Variants in VWA3B observed in about 807,000 individuals in gnomAD.
VWA3B encodes von Willebrand factor A domain-containing protein 3B.
In VWA3B, 138 loss-of-function variants were observed where a neutral mutation model predicts 158.3. The observed-to-expected ratio is 0.87, with a 90% confidence interval of 0.76 to 1.00. The LOEUF (loss-of-function observed/expected upper bound fraction) is 1.00, where lower values mean the gene tolerates loss of function less well. Among genes scored for constraint, VWA3B ranks in the 50% least tolerant of loss-of-function variants. VWA3B has a pLI of 0.00. For synonymous variants in VWA3B, 596 were observed against 587.3 expected (o/e 1.01, Z -0.21); for missense variants, 1,555 against 1,565.1 (o/e 0.99, Z 0.11).
Position 98,104,217 on chromosome 2 carries a change from T to C in VWA3B, c.196+10929T>C, listed in dbSNP as rs539486809. Among the ~76,000 whole-genome samples the C allele has an allele frequency of 6.4e-4, 97 of 152,330 alleles. No homozygotes were observed. In the South Asian group the frequency reaches 0.013, roughly 20 times the overall value. On this transcript the variant is annotated intron_variant, in intron 2 of 27. Transcript: ENST00000477737. ...ATCAGTTAGTGTCTTTATCCATTTG[T>C]GTTGCTGTAAAGGTATGACTGAGGC...
At chr2:98,190,964 C>G (rs1349250357) in intron 10 of VWA3B, among the ~76,000 whole-genome samples, 5 of 152,040 alleles carry the variant, frequency 3.3e-5, no homozygotes, top group Non-Finnish European at 5.9e-5. Flanking sequence ...CCTTCTTCTA[C>G]TTTGATTACA....
At chr2:98,242,352 ACTCGATAATTTTATCTTAG>A in intron 19 of VWA3B, 1 of 454,834 alleles carries the variant, frequency 2.2e-6, no homozygotes. Flanking sequence ...TGCAAAATGG[ACTCGATAATTTTATCTTAG>A]CTCTTTCAAA....
At position 98,194,546 on chromosome 2, in the gene VWA3B, C is replaced by A. The variant is rs771556740; in HGVS notation, c.1737+54C>A. The A allele has an allele frequency of 9.4e-4, 1,486 of 1,585,962 alleles. 1 individual carries two copies. Among genetic ancestry groups the A allele is most frequent in the Non-Finnish European group, 1.2e-3 (1,343 of 1,160,184 alleles). On this transcript the variant is annotated intron_variant, in intron 12 of 27. Coordinates refer to ENST00000477737, the MANE Select transcript of VWA3B (RefSeq NM_144992.5). ...ATCCTAGGAGTCTCTCACCTGTGTACTGAGTTCATTCACAGGACAGACATT... is the reference window on the plus strand; with the variant it reads ...ATCCTAGGAGTCTCTCACCTGTGTAATGAGTTCATTCACAGGACAGACATT...
At chr2:98,212,910 A>G (rs1574095234) in intron 13 of VWA3B, among the ~76,000 whole-genome samples, 1 of 152,252 alleles carries the variant, frequency 6.6e-6, no homozygotes, top group Non-Finnish European at 1.5e-5. Flanking sequence ...GGCTATAAAG[A>G]TGAGTAACAG....
chr2:98,215,204 G>T (rs1683872735), intron 13 of VWA3B, among the ~76,000 whole-genome samples: 1 of 152,016 alleles, frequency 6.6e-6, no homozygotes. Flanking sequence ...CACTTTGGAA[G>T]GCCGAGGTGA....
At position 98,192,976 on chromosome 2, in the gene VWA3B, G is replaced by A. The variant is rs201270573; in HGVS notation, c.1545G>A (p.Thr515=). 2.2e-4 allele frequency: 349 copies of A among 1,613,964 alleles called. 1 individual carries two copies. Among genetic ancestry groups the A allele is most frequent in the African/African-American group, 2.9e-4 (22 of 74,902 alleles). ...HNDCIYILID[T]SHSMKSKLDL... ...ATTGCATCTACATTCTCATTGACAC[G>A]TCTCACTCAATGAAGAGCAAACTGG... The change falls in exon 11 of 28, where the codon ACG becomes ACA. Residue 515 remains threonine (T), a synonymous_variant. Transcript: ENST00000477737.
the VWA3B span, among the ~76,000 whole-genome samples, chr2:98,324,877 T>C: frequency 6.7e-6 from 1 of 149,920 alleles, no homozygotes; most frequent in South Asian, 2.1e-4. Flanking sequence ...CAAATGAAAA[T>C]TCCAGAACTA....
At chr2:98,270,622 G>A (rs1688139785) in intron 21 of VWA3B, 60 bp from the exon 22 acceptor site, 4 of 1,521,452 alleles carry the variant, frequency 2.6e-6, no homozygotes, top group South Asian at 1.2e-5. Flanking sequence ...TTTTATTATA[G>A]TCATTTTCTT....
At chr2:98,274,623 A>G (rs973131294) in intron 22 of VWA3B, among the ~76,000 whole-genome samples, 1 of 152,208 alleles carries the variant, frequency 6.6e-6, no homozygotes, top group African/African-American at 2.4e-5. Context: ...AGGAGGTACC[A>G]GAAAACGAGG....
intron 26 of VWA3B, among the ~76,000 whole-genome samples, chr2:98,311,596 T>A (rs1455022734): frequency 2.0e-5 from 3 of 152,252 alleles, no homozygotes; most frequent in Middle Eastern, 3.4e-3. Context: ...ACTCAAGTTC[T>A]CCGTGCCGTG....
chr2:98,174,393 T>C (rs1198407189), intron 8 of VWA3B, among the ~76,000 whole-genome samples: 1 of 152,192 alleles, frequency 6.6e-6, no homozygotes, highest in African/African-American at 2.4e-5. Context: ...CATTTCCAGA[T>C]AATTCTCATT....
intron 21 of VWA3B, among the ~76,000 whole-genome samples, chr2:98,266,477 T>C (rs545716407): frequency 3.3e-4 from 50 of 151,404 alleles, no homozygotes; most frequent in African/African-American, 1.1e-3. Context: ...AGTCAGGTAG[T>C]GTGATGCCTC....
At position 98,162,986 on chromosome 2, in the gene VWA3B, A is replaced by T. The variant is rs944617707; in HGVS notation, c.1114+10A>T. ...GCCACTGTGGACTGCGGTTGGTGCT[A>T]TTTCTGGTCACTGGTGTAAAAGATT... On this transcript the variant is annotated intron_variant, in intron 8 of 27. Transcript: ENST00000477737. 1 of 1,613,788 alleles carries T rather than the reference A, an allele frequency of 6.2e-7. No homozygotes were observed. Among genetic ancestry groups the T allele is most frequent in the Non-Finnish European group, 8.5e-7 (1 of 1,179,862 alleles).
At chr2:98,280,849 G>A (rs1688836076) in intron 22 of VWA3B, among the ~76,000 whole-genome samples, 1 of 152,232 alleles carries the variant, frequency 6.6e-6, no homozygotes, top group South Asian at 2.1e-4. Context: ...CGGCCAGGCA[G>A]CACTGCCAGC....
rs1230621460 is a variant in VWA3B at position 98,098,654 on chromosome 2, T to C, written c.196+5366T>C. Among the ~76,000 whole-genome samples, 4 of 152,238 alleles carry C rather than the reference T, an allele frequency of 2.6e-5. No individual in the cohort carries two copies. In the South Asian group the frequency reaches 6.2e-4, roughly 24 times the overall value. ...CAGCATATAGGTGGATCTTGTTTTT[T>C]ATACAGCCACTCTGTGTATTTTGAT... On this transcript the variant is annotated intron_variant, in intron 2 of 27. Transcript: ENST00000477737.
At chr2:98,190,846 T>C (rs1681514444) in intron 10 of VWA3B, among the ~76,000 whole-genome samples, 1 of 152,112 alleles carries the variant, frequency 6.6e-6, no homozygotes, top group Admixed American at 6.5e-5. Flanking sequence ...TTTTTCTTCT[T>C]CTTGGGTTCT....
intron 19 of VWA3B, among the ~76,000 whole-genome samples, chr2:98,243,918 C>A (rs555472592): frequency 1.8e-4 from 28 of 152,266 alleles, no homozygotes; most frequent in Admixed American, 3.9e-4. Flanking sequence ...GTAGGAAGCT[C>A]TGGGATATTT....
At chr2:98,090,142 T>A (rs1257128760) in intron 1 of VWA3B, among the ~76,000 whole-genome samples, 1 of 152,224 alleles carries the variant, frequency 6.6e-6, no homozygotes, top group Non-Finnish European at 1.5e-5. Flanking sequence ...GAAAAAAGTT[T>A]CTTCTGAGCT....
At chr2:98,301,125 C>T (rs776702108) in intron 25 of VWA3B, among the ~76,000 whole-genome samples, 78 of 151,994 alleles carry the variant, frequency 5.1e-4, no homozygotes, top group Non-Finnish European at 7.9e-4. Context: ...CCCATCTCTA[C>T]TAAAAATACA....
Sources: allele counts gnomAD v4.1 joint callset (sites outside exome capture counted in the v4.1 genomes callset), GRCh38; gene constraint gnomAD v4.1.1; transcripts MANE v1.5; gene names NCBI Gene and HGNC (gene_info 2026-07-23, HGNC 2026-07-21).